Variants in HAUS8 observed in about 807,000 individuals in gnomAD.
HAUS8 encodes HAUS augmin like complex subunit 8.
In HAUS8, 38 loss-of-function variants were observed where a neutral mutation model predicts 42.9. The observed-to-expected ratio is 0.89, with a 90% CI of 0.68 to 1.16. The LOEUF (loss-of-function observed/expected upper bound fraction) is 1.16. HAUS8 is among the 50% of genes most tolerant of loss of function. HAUS8 has a pLI of 0.00. For missense variants in HAUS8, 494 were observed against 511.6 expected, an observed-to-expected ratio of 0.97 and a Z score of 0.33; for synonymous variants, 199 against 205.8, an observed-to-expected ratio of 0.97 and a Z score of 0.28.
At chr19:17,052,796 C>T (rs1382731708) in intron 10 of HAUS8, 29 bp downstream of exon 10, 2 of 1,613,936 alleles carry the variant, frequency 1.2e-6, no homozygotes, top group East Asian at 2.2e-5. Flanking sequence ...CAGGGTGCCA[C>T]CTCTTTCTTA....
chr19:17,072,823 GT>G (rs1351481441), intron 2 of HAUS8, among the ~76,000 whole-genome samples: 1 of 151,758 alleles, frequency 6.6e-6, no homozygotes, highest in Non-Finnish European at 1.5e-5. Context: ...GGAATTGAGA[GT>G]TTGATTTTAG....
At chr19:17,058,262 C>T (rs957841614) in intron 8 of HAUS8, among the ~76,000 whole-genome samples, 3 of 152,228 alleles carry the variant, frequency 2.0e-5, no homozygotes, top group South Asian at 4.1e-4. Flanking sequence ...TCCCAGAGCA[C>T]GTCATCCTGT....
chr19:17,064,159 C>T (rs2057375643), intron 3 of HAUS8, among the ~76,000 whole-genome samples: 1 of 152,076 alleles, frequency 6.6e-6, no homozygotes, highest in South Asian at 2.1e-4. Context: ...GCACTAAACA[C>T]CAAATGCTTA....
intron 8 of HAUS8, among the ~76,000 whole-genome samples, chr19:17,056,747 GC>G (rs1568635805): frequency 6.6e-6 from 1 of 151,630 alleles, no homozygotes; most frequent in Non-Finnish European, 1.5e-5. Flanking sequence ...GCATCACCAT[GC>G]CCAGCTAATT....
intron 9 of HAUS8, 129 bp from the exon 10 acceptor site, chr19:17,053,095 G>A: frequency 9.3e-7 from 1 of 1,069,858 alleles, no homozygotes. Context: ...AGAGCGCACA[G>A]GGAAGAAGCA....
At chr19:17,051,369 A>T (rs879712581) in intron 10 of HAUS8, among the ~76,000 whole-genome samples, 1 of 130,526 alleles carries the variant, frequency 7.7e-6, no homozygotes, top group Non-Finnish European at 1.6e-5. Flanking sequence ...GCGCGTGGTT[A>T]GAAATCTCCT....
At chr19:17,074,050 T>C (rs1211416375) in intron 1 of HAUS8, 1 of 152,062 alleles carries the variant, frequency 6.6e-6, no homozygotes, top group Non-Finnish European at 1.5e-5. Context: ...GAATGAAGCC[T>C]GATGTAATAG....
intron 2 of HAUS8, among the ~76,000 whole-genome samples, chr19:17,072,695 C>T (rs1020193462): frequency 1.3e-5 from 2 of 151,796 alleles, no homozygotes; most frequent in East Asian, 3.9e-4. Flanking sequence ...GTCGCCCAGG[C>T]TGGAGTGCAG....
chr19:17,063,649 T>G (rs887564011), intron 3 of HAUS8, among the ~76,000 whole-genome samples: 1 of 152,188 alleles, frequency 6.6e-6, no homozygotes, highest in African/African-American at 2.4e-5. Context: ...AGCATTTGAA[T>G]TGGTGGATGC....
intron 8 of HAUS8, among the ~76,000 whole-genome samples, chr19:17,056,345 G>A (rs2057326512): frequency 6.6e-6 from 1 of 152,164 alleles, no homozygotes; most frequent in Non-Finnish European, 1.5e-5. Flanking sequence ...TGCTGTCTGG[G>A]TCTTCATGGG....
At chr19:17,071,638 G>T (rs1336336889) in intron 2 of HAUS8, among the ~76,000 whole-genome samples, 1 of 152,184 alleles carries the variant, frequency 6.6e-6, no homozygotes, top group Non-Finnish European at 1.5e-5. Flanking sequence ...GGCTTGGGCT[G>T]CCTTGGACGG....
chr19:17,059,727 G>GTT, intron 5 of HAUS8, 76 bp from the exon 6 acceptor site: 1 of 951,434 alleles, frequency 1.1e-6, no homozygotes, highest in African/African-American at 1.6e-5. Flanking sequence ...TTTTTCTAAT[G>GTT]ATGGGTTTAT....
At chr19:17,053,176 T>C in intron 9 of HAUS8, 1 of 597,714 alleles carries the variant, frequency 1.7e-6, no homozygotes, top group South Asian at 2.0e-5. Context: ...CATCCATCTA[T>C]CCAGGAGGGC....
At position 17,055,985 on chromosome 19, in the gene HAUS8, G is replaced by C. The variant is rs139509545; in HGVS notation, c.663C>G (p.Pro221=). The change falls in exon 9 of 11, where the codon CCC becomes CCG. Residue 221 remains proline, a synonymous_variant. Transcript: ENST00000253669. ...TGAAGCGTGTGGCCACTGCCTCGAA[G>C]GGGCTGAGCATCTCGATCTGTAAGC... ...VLDAQIEMLS[P]FEAVATRFKE... 6.2e-7 allele frequency: 1 copy of C among 1,614,114 alleles called. No homozygotes were observed. Among genetic ancestry groups the C allele is most frequent in the Non-Finnish European group, 8.5e-7 (1 of 1,180,030 alleles).
chr19:17,067,991 T>G (rs925894783), intron 3 of HAUS8, among the ~76,000 whole-genome samples: 2 of 152,228 alleles, frequency 1.3e-5, no homozygotes, highest in African/African-American at 2.4e-5. Context: ...CGATATTTCA[T>G]GGTTTGCCTA....
intron 3 of HAUS8, among the ~76,000 whole-genome samples, chr19:17,067,821 A>G (rs1050377370): frequency 1.3e-5 from 2 of 152,212 alleles, no homozygotes; most frequent in Non-Finnish European, 2.9e-5. Context: ...TAATTTTATC[A>G]TAAACCAAGA....
chr19:17,053,289 C>A (rs2057299294), intron 9 of HAUS8: 1 of 338,964 alleles, frequency 3.0e-6, no homozygotes, highest in Non-Finnish European at 5.6e-6. Context: ...GGCCTCCAAG[C>A]CAGACCATGA....
At chr19:17,075,083 C>T in intron 1 of HAUS8, 1 of 461,836 alleles carries the variant, frequency 2.2e-6, no homozygotes, top group Non-Finnish European at 3.9e-6. Flanking sequence ...CCTCACGCGA[C>T]GCCTACGAGG....
chr19:17,075,447 C>G lies in HAUS8; in HGVS notation c.-25G>C. On this transcript the variant is annotated 5_prime_UTR_variant, in exon 1 of 11. Coordinates refer to ENST00000253669, the MANE Select transcript of HAUS8 (RefSeq NM_033417.2). ...TTTTCCCGCCTTCCACCTCAAGGCC[C>G]GACCCGCCGGCTTTTCAAAGCCGGA... The G allele has an allele frequency of 6.2e-7, 1 of 1,613,166 alleles. No homozygotes were observed. Among genetic ancestry groups the G allele is most frequent in the Non-Finnish European group, 8.5e-7 (1 of 1,179,752 alleles).
Sources: gnomAD v4.1 joint callset for allele counts (sites outside exome capture counted in the v4.1 genomes callset) on GRCh38, gnomAD v4.1.1 for gene constraint, MANE v1.5 for transcripts, NCBI Gene and HGNC (gene_info 2026-07-23, HGNC 2026-07-21) for gene names.